Variants in FMN2 observed in about 807,000 individuals in gnomAD.
FMN2 encodes formin 2.
Under a neutral mutation model 142.3 loss-of-function variants are expected in FMN2, and 51 were observed. The ratio of observed to expected loss-of-function variants is 0.36; its 90% confidence interval spans 0.29 to 0.45. The LOEUF is 0.45. Among genes scored for constraint, FMN2 ranks in the 20% least tolerant of loss-of-function variants. The pLI, the probability that FMN2 is intolerant of heterozygous loss-of-function variation, is 1.00. For synonymous variants in FMN2, 882 were observed against 869.8 expected, an observed-to-expected ratio of 1.01 and a Z score of -0.25; for missense variants, 1,936 against 2,122.8, an observed-to-expected ratio of 0.91 and a Z score of 1.73.
chr1:240,321,437 AT>A (rs1670969719), intron 8 of FMN2, among the ~76,000 whole-genome samples: 1 of 152,218 alleles, frequency 6.6e-6, no homozygotes, highest in Non-Finnish European at 1.5e-5. Context: ...AATTGACTTT[AT>A]TTTTAGTAAT....
At chr1:240,435,420 T>C (rs1675332405) in intron 15 of FMN2, among the ~76,000 whole-genome samples, 1 of 151,740 alleles carries the variant, frequency 6.6e-6, no homozygotes, top group African/African-American at 2.4e-5. Context: ...CATGATCACA[T>C]GAGAATCTGT....
rs549307774 is a variant in FMN2 at position 240,143,468 on chromosome 1, T to G, written c.1782+20123T>G. 18 of 1,527,198 alleles carry G rather than the reference T, an allele frequency of 1.2e-5. No individual in the cohort carries two copies. The East Asian group carries it at 3.4e-4, about 29-fold the overall frequency. 94.6% of individuals were successfully genotyped at this position (1,527,198 alleles called of 1,614,324 possible). A position where few individuals can be genotyped will look rare whatever the true frequency, so the allele number is the denominator to read the frequency against. ...CCCATGTCAGCAGGGGTTTCCTTTT[T>G]GTCCTTGTCCTTCTTTTCCTTCTTG... On this transcript the variant is annotated intron_variant, in intron 2 of 17. Coordinates refer to ENST00000319653, the MANE Select transcript of FMN2 (RefSeq NM_020066.5).
chr1:240,185,325 C>T (rs1665393477), intron 3 of FMN2, among the ~76,000 whole-genome samples: 1 of 152,020 alleles, frequency 6.6e-6, no homozygotes, highest in Non-Finnish European at 1.5e-5. Context: ...TTCTGTACAT[C>T]TCTTTCATGT....
Position 240,461,744 on chromosome 1 carries a change from C to T in FMN2, c.5061-10628C>T, listed in dbSNP as rs78152541. Among the ~76,000 whole-genome samples, 523 of 152,230 alleles carry T rather than the reference C, an allele frequency of 3.4e-3. 6 individuals carry two copies. Among genetic ancestry groups the T allele is most frequent in the African/African-American group, 0.012 (491 of 41,532 alleles). ...TGGGTTCTCTTCTTCATTCTTCTAT[C>T]GCGTGACCTCAAGAGGCTCTCTGAG... On this transcript the variant is annotated intron_variant, in intron 16 of 17. Coordinates refer to ENST00000319653, the MANE Select transcript of FMN2 (RefSeq NM_020066.5).
At chr1:240,143,354 A>G in intron 2 of FMN2, 1 of 1,478,808 alleles carries the variant, frequency 6.8e-7, no homozygotes, top group Non-Finnish European at 9.4e-7. Context: ...TATCTCAGCA[A>G]GTGGCCAAAG....
intron 6 of FMN2, among the ~76,000 whole-genome samples, chr1:240,243,748 A>G (rs1667990150): frequency 1.3e-5 from 2 of 152,346 alleles, no homozygotes; most frequent in South Asian, 4.1e-4. Context: ...GCTTGTCCAA[A>G]GTTACATGGA....
At chr1:240,448,902 G>T (rs989764675) in intron 16 of FMN2, among the ~76,000 whole-genome samples, 3 of 152,136 alleles carry the variant, frequency 2.0e-5, no homozygotes, top group Admixed American at 2.0e-4. Flanking sequence ...CAGTACTTTG[G>T]GGGGCCAAGG....
intron 14 of FMN2, among the ~76,000 whole-genome samples, chr1:240,380,211 C>T (rs373487256): frequency 6.6e-5 from 10 of 152,170 alleles, no homozygotes; most frequent in Admixed American, 3.3e-4. Flanking sequence ...AAACATTTTC[C>T]AAAATTGACC....
chr1:240,434,412 A>G (rs1441507767), intron 15 of FMN2, among the ~76,000 whole-genome samples: 1 of 152,184 alleles, frequency 6.6e-6, no homozygotes, highest in East Asian at 1.9e-4. Context: ...GTGTTATGCA[A>G]GTTTGAATTC....
At chr1:240,184,045 C>T (rs527915317) in intron 3 of FMN2, among the ~76,000 whole-genome samples, 5 of 151,998 alleles carry the variant, frequency 3.3e-5, no homozygotes, top group Admixed American at 2.0e-4. Flanking sequence ...AGAGGCATAT[C>T]CCGCTCATTG....
intron 13 of FMN2, among the ~76,000 whole-genome samples, chr1:240,335,084 A>G (rs114340931): frequency 0.011 from 1,743 of 152,284 alleles, 31 homozygotes; most frequent in African/African-American, 0.039. Context: ...TAGAGTTGTT[A>G]TATTCTAGTT....
chr1:240,144,548 A>T, intron 2 of FMN2: 1 of 1,437,924 alleles, frequency 7.0e-7, no homozygotes, highest in South Asian at 1.1e-5. Context: ...GTCTTCTACC[A>T]GCTCCATGTC....
At chr1:240,282,321 T>C (rs1428016105) in intron 7 of FMN2, among the ~76,000 whole-genome samples, 1 of 152,210 alleles carries the variant, frequency 6.6e-6, no homozygotes, top group African/African-American at 2.4e-5. Context: ...CTAAGTCTCA[T>C]GTAATTCTGG....
At position 240,208,841 on chromosome 1, in the gene FMN2, A is replaced by C. The variant is rs546656892; in HGVS notation, c.3920+109A>C. On this transcript the variant is annotated intron_variant, in intron 5 of 17. Coordinates refer to ENST00000319653, the MANE Select transcript of FMN2 (RefSeq NM_020066.5). Reference sequence around the variant, plus strand: ...TGAATGTATTTTTAAGCACAACTCTAAAACTCGTCTAGATTTTTACATCAA... The same window carrying C: ...TGAATGTATTTTTAAGCACAACTCTCAAACTCGTCTAGATTTTTACATCAA... 1,667 of 1,391,944 alleles carry C rather than the reference A, an allele frequency of 1.2e-3. 1 individual carries two copies. Among genetic ancestry groups the C allele is most frequent in the Admixed American group, 3.9e-3 (168 of 43,102 alleles). The allele number at this position is 1,391,944 out of a possible 1,614,324, so 86.2% of individuals were successfully genotyped here.
chr1:240,127,081 C>A (rs1484557966), intron 2 of FMN2, among the ~76,000 whole-genome samples: 2 of 150,360 alleles, frequency 1.3e-5, no homozygotes, highest in Non-Finnish European at 2.9e-5. Context: ...GCTCAGGCCA[C>A]AGCACAGGCA....
chr1:240,176,969 C>T (rs1664944147), intron 2 of FMN2, among the ~76,000 whole-genome samples: 1 of 152,178 alleles, frequency 6.6e-6, no homozygotes, highest in African/African-American at 2.4e-5. Flanking sequence ...GAAATAGCAA[C>T]ATCCATCCGA....
At chr1:240,181,600 C>T (rs1182730649) in intron 3 of FMN2, among the ~76,000 whole-genome samples, 1 of 152,102 alleles carries the variant, frequency 6.6e-6, no homozygotes, top group African/African-American at 2.4e-5. Flanking sequence ...ATCCTGGCTC[C>T]CTCTGCAGTT....
At chr1:240,190,559 C>A (rs558522055) in intron 4 of FMN2, among the ~76,000 whole-genome samples, 2 of 152,080 alleles carry the variant, frequency 1.3e-5, no homozygotes, top group African/African-American at 4.8e-5. Flanking sequence ...TATTATAATG[C>A]GCATTTAACT....
chr1:240,127,901 AG>A (rs1220027657), intron 2 of FMN2, among the ~76,000 whole-genome samples: 1 of 152,158 alleles, frequency 6.6e-6, no homozygotes, highest in Non-Finnish European at 1.5e-5. Context: ...GGACGGTGAC[AG>A]GGGAGATGAA....
Sources: allele counts gnomAD v4.1 joint callset (sites outside exome capture counted in the v4.1 genomes callset), GRCh38; gene constraint gnomAD v4.1.1; transcripts MANE v1.5; gene names NCBI Gene and HGNC (gene_info 2026-07-23, HGNC 2026-07-21).